The following ERCC6L2 variants were observed in gnomAD, a reference collection of about 807,000 sequenced individuals.
The protein encoded by ERCC6L2 is ERCC excision repair 6 like 2.
Under a neutral mutation model 132.0 loss-of-function variants are expected in ERCC6L2, and 77 were observed. The observed-to-expected ratio is 0.58, with a 90% CI of 0.49 to 0.71. The LOEUF (loss-of-function observed/expected upper bound fraction) is 0.71, where lower values mean the gene tolerates loss of function less well. Among genes scored for constraint, ERCC6L2 ranks in the 30% least tolerant of loss-of-function variants. The pLI, the probability that ERCC6L2 is intolerant of heterozygous loss-of-function variation, is 0.00. For synonymous variants in ERCC6L2, 583 were observed against 632.4 expected (o/e 0.92, Z 1.17); for missense variants, 1,542 against 1,837.6 (o/e 0.84, Z 2.94).
At position 96,002,022 on chromosome 9, in the gene ERCC6L2, G is replaced by A. The variant is rs1248685256; in HGVS notation, c.3493-2498G>A. ...TGGCTGGCTGCTCCGAGTGCGGGGC[G>A]CACCAAGCCCACGCCCACCTGGAAC... On this transcript the variant is annotated intron_variant, in intron 17 of 18. Transcript: ENST00000653738. 4.6e-5 allele frequency among the ~76,000 whole-genome samples: 7 copies of A among 152,362 alleles called. No individual in the cohort carries two copies. The East Asian group carries it at 7.7e-4, about 17-fold the overall frequency.
chr9:95,907,338 GT>G (rs36115321), intron 4 of ERCC6L2, 67 bp downstream of exon 4: 39,773 of 543,014 alleles, frequency 0.073, 18 homozygotes, highest in Middle Eastern at 0.093. Flanking sequence ...TATATTAAGA[GT>G]TTTTTTTTTT....
chr9:96,006,203 G>A (rs866021515), intron 18 of ERCC6L2, among the ~76,000 whole-genome samples: 30 of 152,104 alleles, frequency 2.0e-4, no homozygotes, highest in Admixed American at 8.5e-4. Flanking sequence ...TAGAAATAGA[G>A]CACAGAGAGG....
chr9:96,039,543 GGGTGGCA>G (rs1834555039), intron 20 of ERCC6L2, among the ~76,000 whole-genome samples: 1 of 152,182 alleles, frequency 6.6e-6, no homozygotes, highest in Admixed American at 6.5e-5. Flanking sequence ...AGGGTAGCCA[GGGTGGCA>G]GTGGGACTTG....
intron 9 of ERCC6L2, among the ~76,000 whole-genome samples, chr9:95,927,652 G>T (rs1830158705): frequency 6.6e-6 from 1 of 152,144 alleles, no homozygotes; most frequent in African/African-American, 2.4e-5. Context: ...GAACCTAGAT[G>T]TAATTGAACA....
chr9:95,999,190 C>G (rs953627013), intron 17 of ERCC6L2, among the ~76,000 whole-genome samples: 1 of 152,116 alleles, frequency 6.6e-6, no homozygotes, highest in African/African-American at 2.4e-5. Flanking sequence ...GAAACCCCCT[C>G]TCTACTAAAA....
At chr9:96,008,996 A>G (rs561874759) in intron 18 of ERCC6L2, among the ~76,000 whole-genome samples, 5 of 152,362 alleles carry the variant, frequency 3.3e-5, no homozygotes, top group African/African-American at 1.2e-4. Flanking sequence ...CCAGTCAGGT[A>G]TGCACCATGG....
chr9:96,040,369 T>C (rs1834565029), intron 20 of ERCC6L2, among the ~76,000 whole-genome samples: 1 of 152,190 alleles, frequency 6.6e-6, no homozygotes, highest in South Asian at 2.1e-4. Context: ...GCTTGTTGGC[T>C]AGATCCTCTC....
At chr9:95,878,726 A>T (rs2132501398) in intron 1 of ERCC6L2, among the ~76,000 whole-genome samples, 1 of 140,204 alleles carries the variant, frequency 7.1e-6, no homozygotes, top group South Asian at 2.2e-4. Context: ...CTCATTGTTC[A>T]ATTCCCACCT....
chr9:95,875,872 G>T lies in ERCC6L2; in HGVS notation c.-167G>T. 1.5e-6 allele frequency: 1 copy of T among 670,604 alleles called. No individual in the cohort carries two copies. The allele number at this position is 670,604 out of a possible 1,614,324, so 41.5% of individuals were successfully genotyped here. A position where few individuals can be genotyped will look rare whatever the true frequency, so the allele number is the denominator to read the frequency against. On this transcript the variant is annotated 5_prime_UTR_variant, in exon 1 of 19. Coordinates refer to ENST00000653738, the MANE Select transcript of ERCC6L2 (RefSeq NM_020207.7). ...GGTCCCCTTAGTCGCTACCTTTGCTGGGATCCCCCTCCTCCATCCTGTGGC... is the reference window on the plus strand; with the variant it reads ...GGTCCCCTTAGTCGCTACCTTTGCTTGGATCCCCCTCCTCCATCCTGTGGC...
At chr9:96,030,326 C>G (rs531268214) in intron 19 of ERCC6L2, among the ~76,000 whole-genome samples, 8 of 152,098 alleles carry the variant, frequency 5.3e-5, no homozygotes, top group Admixed American at 6.5e-5. Context: ...GCAACACGCT[C>G]GGGTTCCCTT....
intron 3 of ERCC6L2, among the ~76,000 whole-genome samples, chr9:95,898,738 C>T (rs1190904902): frequency 1.3e-5 from 2 of 152,134 alleles, no homozygotes; most frequent in African/African-American, 4.8e-5. Context: ...GAGCTACTTA[C>T]AGCAAGTTTT....
chr9:95,960,117 A>G (rs940606599), intron 13 of ERCC6L2, among the ~76,000 whole-genome samples: 2 of 152,168 alleles, frequency 1.3e-5, no homozygotes, highest in Non-Finnish European at 2.9e-5. Context: ...ACTGGAAACA[A>G]AGAAGCAAGA....
intron 3 of ERCC6L2, among the ~76,000 whole-genome samples, chr9:95,906,055 G>A (rs554807745): frequency 6.6e-6 from 1 of 152,224 alleles, no homozygotes; most frequent in East Asian, 1.9e-4. Flanking sequence ...GTACAGGAAA[G>A]GTACATGAAT....
chr9:95,985,291 G>A (rs1404020676), intron 17 of ERCC6L2, among the ~76,000 whole-genome samples: 2 of 152,190 alleles, frequency 1.3e-5, no homozygotes, highest in East Asian at 3.8e-4. Flanking sequence ...CTACCACTTA[G>A]CCGTGGGCAG....
chr9:95,875,961 G>A lies in ERCC6L2; in HGVS notation c.-78G>A, dbSNP rs951631275. 1 of 1,503,452 alleles carries A rather than the reference G, an allele frequency of 6.7e-7. No individual in the cohort carries two copies. Among genetic ancestry groups the A allele is most frequent in the Non-Finnish European group, 9.0e-7 (1 of 1,111,776 alleles). 93.1% of individuals were successfully genotyped at this position (1,503,452 alleles called of 1,614,324 possible). A position where few individuals can be genotyped will look rare whatever the true frequency, so the allele number is the denominator to read the frequency against. On this transcript the variant is annotated 5_prime_UTR_variant, in exon 1 of 19. Transcript: ENST00000653738. The stretch of plus-strand genomic sequence containing the variant: ...AAGTGGCGTTGGCCGCCATTGGCCT[G>A]CCGGCCAGCCACCTTGCTGTCCTCC...
chr9:95,950,785 A>C (rs1199940279), intron 12 of ERCC6L2, among the ~76,000 whole-genome samples: 2 of 152,230 alleles, frequency 1.3e-5, no homozygotes, highest in Non-Finnish European at 2.9e-5. Flanking sequence ...AGATTTAACA[A>C]TTATATACAT....
At chr9:95,916,086 G>T in intron 5 of ERCC6L2, 141 bp from the exon 6 acceptor site, 1 of 856,402 alleles carries the variant, frequency 1.2e-6, no homozygotes, top group South Asian at 1.8e-5. Flanking sequence ...TGAAACTGTC[G>T]TAAAGAAAGA....
At chr9:96,021,544 A>T (rs113289667), downstream of ERCC6L2, 2,104 of 167,106 alleles carry the variant, frequency 0.013, 40 homozygotes, top group Middle Eastern at 0.04. This position sits in a 1 kb window ranked among gnomAD's most constrained non-coding sequence, Gnocchi z 4.7. Flanking sequence ...CAGGAAGGGG[A>T]CCCGGGCTGG....
chr9:95,984,459 C>T (rs1833017860), intron 17 of ERCC6L2, among the ~76,000 whole-genome samples: 1 of 151,904 alleles, frequency 6.6e-6, no homozygotes, highest in Non-Finnish European at 1.5e-5. Flanking sequence ...CCACATCACT[C>T]TCCCATTCAA....
Sources: gnomAD v4.1 joint callset for allele counts (sites outside exome capture counted in the v4.1 genomes callset) on GRCh38, gnomAD v4.1.1 for gene constraint, Gnocchi (gnomAD v3.1) non-coding constraint, MANE v1.5 for transcripts, NCBI Gene and HGNC (gene_info 2026-07-23, HGNC 2026-07-21) for gene names.